The following SNTG1 variants were observed in gnomAD, a reference collection of about 807,000 sequenced individuals.
SNTG1 encodes the protein gamma-1-syntrophin.
Under a neutral mutation model 74.7 loss-of-function variants are expected in SNTG1, and 39 were observed. That is an observed-to-expected ratio of 0.52 (90% CI 0.40 to 0.68). The LOEUF is 0.68. Ranked by LOEUF, SNTG1 falls within the 30% of genes least tolerant of loss-of-function variation. The probability of loss-of-function intolerance (pLI) is 0.00; values close to 1 mark genes in which losing one functional copy is unlikely to be tolerated. For synonymous variants in SNTG1, 254 were observed against 217.1 expected, an observed-to-expected ratio of 1.17 and a Z score of -1.49; for missense variants, 685 against 609.5, an observed-to-expected ratio of 1.12 and a Z score of -1.30.
At chr8:50,692,262 C>T (rs537005990) in intron 15 of SNTG1, among the ~76,000 whole-genome samples, 46 of 152,256 alleles carry the variant, frequency 3.0e-4, no homozygotes, top group Middle Eastern at 3.4e-3. Context: ...CAAAGTCATT[C>T]TCCATCCAAC....
intron 12 of SNTG1, among the ~76,000 whole-genome samples, chr8:50,589,253 T>TA (rs373724658): frequency 2.2e-4 from 34 of 152,258 alleles, no homozygotes; most frequent in African/African-American, 7.5e-4. Context: ...AGGTATGTAC[T>TA]AAGGGAAACT....
At chr8:50,686,291 A>T (rs2131413446) in intron 15 of SNTG1, among the ~76,000 whole-genome samples, 1 of 152,296 alleles carries the variant, frequency 6.6e-6, no homozygotes, top group Non-Finnish European at 1.5e-5. Context: ...ATGTCTCCAA[A>T]ACTAATGTTT....
chr8:49,952,828 C>T (rs770702073), intron 1 of SNTG1, among the ~76,000 whole-genome samples: 13 of 152,136 alleles, frequency 8.5e-5, no homozygotes, highest in Non-Finnish European at 1.6e-4. Context: ...TAAGAAGAAA[C>T]CAAGGTGGAC....
intron 12 of SNTG1, among the ~76,000 whole-genome samples, chr8:50,571,096 CCCTG>C (rs1227110081): frequency 6.6e-6 from 1 of 152,120 alleles, no homozygotes. Flanking sequence ...GTCCAATGAG[CCCTG>C]CCTGCCTGCC....
intron 2 of SNTG1, among the ~76,000 whole-genome samples, chr8:50,226,545 G>A (rs1194523639): frequency 6.6e-6 from 1 of 152,118 alleles, no homozygotes; most frequent in Non-Finnish European, 1.5e-5. Flanking sequence ...CAAAAGATCC[G>A]TGGTCTCCAC....
rs181292729 is a variant in SNTG1, at chr8:50,143,198, G to C, written c.-102-29363G>C. 1.5e-3 allele frequency among the ~76,000 whole-genome samples: 222 copies of C among 152,276 alleles called. No homozygotes were observed. The Middle Eastern group carries it at 0.02, about 14-fold the overall frequency. On this transcript the variant is annotated intron_variant, in intron 1 of 18. Transcript: ENST00000642720. ...CGACCTGACAGAATGTTCCATGTGG[G>C]AAATGTTCTAGTGGGACATTTGTTT...
chr8:50,775,879 C>T (rs942704456), intron 18 of SNTG1, among the ~76,000 whole-genome samples: 9 of 151,436 alleles, frequency 5.9e-5, no homozygotes, highest in Non-Finnish European at 1.2e-4. Context: ...TCATTTCATC[C>T]AATAATTTTC....
intron 1 of SNTG1, among the ~76,000 whole-genome samples, chr8:49,915,880 TA>T (rs1805983505): frequency 6.6e-6 from 1 of 152,198 alleles, no homozygotes; most frequent in Admixed American, 6.5e-5. Flanking sequence ...GCCTAGATTT[TA>T]TTCATAGGCC....
At chr8:50,657,055 T>C in intron 14 of SNTG1, 30 bp downstream of exon 14, 2 of 1,330,270 alleles carry the variant, frequency 1.5e-6, no homozygotes, top group Non-Finnish European at 2.0e-6. Context: ...GTATTGGTCG[T>C]TTCCATATTA....
At chr8:49,977,398 G>A (rs950872141) in intron 1 of SNTG1, among the ~76,000 whole-genome samples, 1 of 152,118 alleles carries the variant, frequency 6.6e-6, no homozygotes, top group Non-Finnish European at 1.5e-5. Flanking sequence ...ATGAAAGGTT[G>A]TTTTGAGAGT....
At chr8:50,550,328 G>A (rs1053875463) in intron 11 of SNTG1, among the ~76,000 whole-genome samples, 7 of 152,120 alleles carry the variant, frequency 4.6e-5, no homozygotes, top group Non-Finnish European at 7.4e-5. Flanking sequence ...AGTCTCTGCA[G>A]CTCTTGCTCC....
At chr8:49,979,968 T>C (rs1262474305) in intron 1 of SNTG1, among the ~76,000 whole-genome samples, 1 of 152,214 alleles carries the variant, frequency 6.6e-6, no homozygotes, top group Non-Finnish European at 1.5e-5. Context: ...GACACCACAG[T>C]ATTCGCTCAA....
At chr8:50,278,046 G>T (rs1030545352) in intron 2 of SNTG1, among the ~76,000 whole-genome samples, 1 of 152,066 alleles carries the variant, frequency 6.6e-6, no homozygotes, top group East Asian at 1.9e-4. Context: ...GGTGGCGTAT[G>T]CCTGTAATCT....
intron 1 of SNTG1, among the ~76,000 whole-genome samples, chr8:49,993,868 G>A (rs1813924336): frequency 6.6e-6 from 1 of 152,182 alleles, no homozygotes; most frequent in South Asian, 2.1e-4. Flanking sequence ...TTATGTTGAA[G>A]AGTGGTGTTG....
At position 50,311,336 on chromosome 8, in the gene SNTG1, G is replaced by A. The variant is rs538437587; in HGVS notation, c.-27-82876G>A. Among the ~76,000 whole-genome samples, 9 of 152,236 alleles carry A rather than the reference G, an allele frequency of 5.9e-5. No individual in the cohort carries two copies. In the South Asian group the frequency reaches 6.2e-4, roughly 11 times the overall value. ...GCCACTTTAGGAAAGGTTATGTTCCGTTGTAGACAGCAATATGTGTGCTGA... is the reference window on the plus strand; with the variant it reads ...GCCACTTTAGGAAAGGTTATGTTCCATTGTAGACAGCAATATGTGTGCTGA... On this transcript the variant is annotated intron_variant, in intron 2 of 18. Transcript: ENST00000642720.
intron 1 of SNTG1, among the ~76,000 whole-genome samples, chr8:50,162,591 A>C (rs572034061): frequency 6.9e-6 from 1 of 145,912 alleles, no homozygotes; most frequent in South Asian, 2.1e-4. Flanking sequence ...AAAAAAAGAA[A>C]GAAAACACCA....
chr8:50,147,869 T>A (rs911039174), intron 1 of SNTG1, among the ~76,000 whole-genome samples: 4 of 152,200 alleles, frequency 2.6e-5, no homozygotes, highest in African/African-American at 9.6e-5. Context: ...TTCTAAATAT[T>A]ACTCTCTAAT....
intron 2 of SNTG1, among the ~76,000 whole-genome samples, chr8:50,393,413 G>T (rs897252667): frequency 6.6e-6 from 1 of 152,058 alleles, no homozygotes; most frequent in East Asian, 1.9e-4. Context: ...TTCTATTTTG[G>T]AATTAATCAT....
intron 1 of SNTG1, among the ~76,000 whole-genome samples, chr8:50,135,444 T>A (rs2081441546): frequency 6.6e-6 from 1 of 152,204 alleles, no homozygotes; most frequent in Admixed American, 6.5e-5. Context: ...TTGTTATTAT[T>A]TCTATTTGTG....
Sources: gnomAD v4.1 joint callset for allele counts (sites outside exome capture counted in the v4.1 genomes callset) on GRCh38, gnomAD v4.1.1 for gene constraint, MANE v1.5 for transcripts, NCBI Gene and HGNC (gene_info 2026-07-23, HGNC 2026-07-21) for gene names.